GSDMC: variants seen among roughly 807,000 people sequenced by gnomAD.
GSDMC encodes gasdermin-C.
In GSDMC, 59 loss-of-function variants were observed where a neutral mutation model predicts 58.0. That is an observed-to-expected ratio of 1.02 (90% CI 0.82 to 1.26). GSDMC has a LOEUF of 1.26. Ranked by LOEUF, GSDMC falls within the 50% of genes most tolerant of loss-of-function variation. The pLI is 0.00. For synonymous variants in GSDMC, 241 were observed against 220.2 expected (o/e 1.09, Z -0.83); for missense variants, 659 against 598.5 (o/e 1.10, Z -1.06).
At chr8:129,779,721 G>C (rs183178811) in intron 1 of GSDMC, among the ~76,000 whole-genome samples, 7 of 151,952 alleles carry the variant, frequency 4.6e-5, no homozygotes, top group Admixed American at 3.9e-4. Flanking sequence ...GTAATAAAAT[G>C]TAATTTTGAA....
At chr8:129,765,486 A>G in intron 4 of GSDMC, 142 bp downstream of exon 4, 1 of 696,044 alleles carries the variant, frequency 1.4e-6, no homozygotes. Context: ...GGATACATCA[A>G]CATGTAAGAA....
At chr8:129,751,394 C>A in intron 10 of GSDMC, 148 bp downstream of exon 10, 1 of 662,742 alleles carries the variant, frequency 1.5e-6, no homozygotes, top group South Asian at 1.9e-5. Flanking sequence ...TCCAATAAGT[C>A]CTCAATAAAT....
chr8:129,748,640 A>G lies in GSDMC; in HGVS notation c.1388T>C (p.Ile463Thr), dbSNP rs1483378132. 1.2e-6 allele frequency: 2 copies of G among 1,611,800 alleles called. No homozygotes were observed. Among genetic ancestry groups the G allele is most frequent in the African/African-American group, 2.7e-5 (2 of 74,752 alleles). The change falls in exon 14 of 14, where the codon ATC (isoleucine) becomes ACC (threonine). Residue 463 changes from isoleucine to threonine, a missense_variant. Physicochemically the swap from Ile to Thr is moderately conservative, Grantham distance 89. Coordinates refer to ENST00000276708, the MANE Select transcript of GSDMC (RefSeq NM_031415.3). Reference sequence around the variant, plus strand: ...ACACTCCTCCAGCAGGCCATAGGTGATGGCCAAACCCTCACTCTGGAGTGG... The same window carrying G: ...ACACTCCTCCAGCAGGCCATAGGTGGTGGCCAAACCCTCACTCTGGAGTGG... Reference protein sequence around the residue: ...LAPLQSEGLAITYGLLEECGL... With the variant: ...LAPLQSEGLATTYGLLEECGL...
chr8:129,727,518 C>T, the GSDMC span, among the ~76,000 whole-genome samples: 6 of 152,086 alleles, frequency 3.9e-5, no homozygotes, highest in African/African-American at 7.2e-5. Context: ...CGTGGGGATC[C>T]GAGAAAGACA....
chr8:129,738,569 A>G, the GSDMC span, among the ~76,000 whole-genome samples: 3 of 151,982 alleles, frequency 2.0e-5, no homozygotes, highest in Non-Finnish European at 4.4e-5. Context: ...AAAACCAAAC[A>G]CCGCATGTTC....
chr8:129,711,983 A>G, the GSDMC span, among the ~76,000 whole-genome samples: 44 of 152,216 alleles, frequency 2.9e-4, no homozygotes, highest in Non-Finnish European at 5.9e-5. Flanking sequence ...AGGGCCTGGC[A>G]TGATGGCACA....
At chr8:129,736,316 G>A in the GSDMC span, among the ~76,000 whole-genome samples, 1 of 152,140 alleles carries the variant, frequency 6.6e-6, no homozygotes, top group African/African-American at 2.4e-5. Context: ...TGATACCAAA[G>A]CCTGGCACAG....
At chr8:129,751,672 C>A in intron 9 of GSDMC, 104 bp from the exon 10 acceptor site, 1 of 1,177,204 alleles carries the variant, frequency 8.5e-7, no homozygotes, top group Non-Finnish European at 1.3e-6. Context: ...CCCTCTTACT[C>A]AACTTCTTCC....
intron 3 of GSDMC, 49 bp from the exon 4 acceptor site, chr8:129,765,842 C>T (rs1285255333): frequency 3.9e-6 from 6 of 1,530,954 alleles, no homozygotes; most frequent in African/African-American, 1.4e-5. Context: ...AAAGTGATGG[C>T]TTTTCAGGTT....
At chr8:129,714,155 T>C in the GSDMC span, among the ~76,000 whole-genome samples, 1 of 152,232 alleles carries the variant, frequency 6.6e-6, no homozygotes, top group East Asian at 1.9e-4. Context: ...TTTACATCTT[T>C]TCAAGTGTGC....
At chr8:129,738,120 C>A in the GSDMC span, among the ~76,000 whole-genome samples, 1 of 152,128 alleles carries the variant, frequency 6.6e-6, no homozygotes, top group Non-Finnish European at 1.5e-5. Flanking sequence ...CAATGAGATA[C>A]CATCTCACAC....
intron 3 of GSDMC, among the ~76,000 whole-genome samples, chr8:129,773,864 G>A (rs60282920): frequency 0.021 from 3,143 of 150,788 alleles, 104 homozygotes; most frequent in African/African-American, 0.069. Context: ...CCAAGGAGGC[G>A]AAAGATCTAT....
intron 3 of GSDMC, among the ~76,000 whole-genome samples, chr8:129,773,304 G>A (rs2034118528): frequency 6.6e-6 from 1 of 152,082 alleles, no homozygotes; most frequent in Admixed American, 6.6e-5. Context: ...AATAAAAGGA[G>A]CCTAATAGGA....
intron 3 of GSDMC, among the ~76,000 whole-genome samples, chr8:129,773,708 C>T (rs1412763526): frequency 6.6e-6 from 1 of 150,656 alleles, no homozygotes; most frequent in Non-Finnish European, 1.5e-5. Flanking sequence ...ATTGCTTGAA[C>T]CTGGGAGGCA....
chr8:129,770,114 G>A (rs2033999096), intron 3 of GSDMC, among the ~76,000 whole-genome samples: 1 of 152,176 alleles, frequency 6.6e-6, no homozygotes, highest in South Asian at 2.1e-4. Context: ...ATAAAAATAT[G>A]TGAATCTTAA....
At chr8:129,773,479 A>G (rs1206856649) in intron 3 of GSDMC, among the ~76,000 whole-genome samples, 1 of 152,140 alleles carries the variant, frequency 6.6e-6, no homozygotes, top group Non-Finnish European at 1.5e-5. Flanking sequence ...TTAACAATGA[A>G]CTATCTTTAA....
intron 3 of GSDMC, among the ~76,000 whole-genome samples, chr8:129,766,872 T>C (rs965159979): frequency 1.3e-5 from 2 of 152,152 alleles, no homozygotes; most frequent in Non-Finnish European, 2.9e-5. Context: ...CTCTGTCCCA[T>C]GTCACAGAGA....
chr8:129,742,136 C>T, the GSDMC span, among the ~76,000 whole-genome samples: 408 of 151,740 alleles, frequency 2.7e-3, 3 homozygotes, highest in African/African-American at 9.6e-3. Context: ...GATACTAGGG[C>T]GGGACTAAGA....
Position 129,776,738 on chromosome 8 carries a change from C to CTGCTGTTGTTGTTGT in GSDMC, c.221-454_221-453insACAACAACAACAGCA, listed in dbSNP as rs774217991. 1.1e-3 allele frequency among the ~76,000 whole-genome samples: 172 copies of CTGCTGTTGTTGTTGT among 151,014 alleles called. 1 individual carries two copies. The highest frequency in any genetic ancestry group is 3.8e-3 in the African/African-American group (154 of 40,998). ...TAACTGTTTTTTTGTTTGGTTTTTG[C>CTGCTGTTGTTGTTGT]TGTTGTTGTTGTTGTTGTTGTTTTT... On this transcript the variant is annotated intron_variant, in intron 2 of 13. Transcript: ENST00000276708.
Sources: allele counts gnomAD v4.1 joint callset (sites outside exome capture counted in the v4.1 genomes callset), GRCh38; gene constraint gnomAD v4.1.1; transcripts MANE v1.5; gene names NCBI Gene and HGNC (gene_info 2026-07-23, HGNC 2026-07-21).